Variants in SPACA7 observed in about 807,000 individuals in gnomAD.
The protein encoded by SPACA7 is sperm acrosome-associated protein 7.
In SPACA7, 19 loss-of-function variants were observed where a neutral mutation model predicts 26.3. The observed-to-expected ratio is 0.72, with a 90% CI of 0.50 to 1.06. The LOEUF (loss-of-function observed/expected upper bound fraction) is 1.06, where lower values mean the gene tolerates loss of function less well. Among genes scored for constraint, SPACA7 ranks in the 50% least tolerant of loss-of-function variants. The probability of loss-of-function intolerance (pLI) is 0.00; values close to 1 mark genes in which losing one functional copy is unlikely to be tolerated. For missense variants in SPACA7, 211 were observed against 229.9 expected (o/e 0.92, Z 0.53); for synonymous variants, 84 against 84.5 (o/e 0.99, Z 0.04).
At chr13:112,396,975 TGG>T (rs1885310160) in intron 2 of SPACA7, among the ~76,000 whole-genome samples, 1 of 152,158 alleles carries the variant, frequency 6.6e-6, no homozygotes, top group Non-Finnish European at 1.5e-5. Flanking sequence ...CTCGCAGAGC[TGG>T]TAGACTCCTC....
intron 1 of SPACA7, among the ~76,000 whole-genome samples, chr13:112,390,070 G>A (rs930316084): frequency 6.6e-6 from 1 of 152,062 alleles, no homozygotes; most frequent in African/African-American, 2.4e-5. Context: ...GGATTGTCTG[G>A]GTCCATAAAG....
chr13:112,407,450 A>G (rs1886059068), intron 5 of SPACA7, among the ~76,000 whole-genome samples: 1 of 152,206 alleles, frequency 6.6e-6, no homozygotes, highest in African/African-American at 2.4e-5. Flanking sequence ...GAAAAGATCA[A>G]CAGAATTGAT....
intron 1 of SPACA7, among the ~76,000 whole-genome samples, chr13:112,377,373 A>C (rs1383967284): frequency 1.3e-5 from 2 of 152,206 alleles, no homozygotes; most frequent in Admixed American, 1.3e-4. Flanking sequence ...GACATCCATG[A>C]GAGAGTTGCA....
At chr13:112,416,839 C>A (rs1033635849) in intron 5 of SPACA7, among the ~76,000 whole-genome samples, 3 of 106,880 alleles carry the variant, frequency 2.8e-5, no homozygotes, top group Non-Finnish European at 6.9e-5. Flanking sequence ...TGTGTATCCA[C>A]CTTCACCATC....
intron 4 of SPACA7, 31 bp downstream of exon 4, chr13:112,399,204 A>C: frequency 8.5e-7 from 1 of 1,173,734 alleles, no homozygotes; most frequent in Non-Finnish European, 1.3e-6. Flanking sequence ...ACCCCTTCCC[A>C]AGTCCAGCTG....
chr13:112,419,240 C>G (rs1373325302), intron 5 of SPACA7, among the ~76,000 whole-genome samples: 7 of 152,130 alleles, frequency 4.6e-5, no homozygotes, highest in Non-Finnish European at 1.0e-4. Flanking sequence ...CACCACCATA[C>G]AAGTGGGTAA....
In SPACA7 at chr13:112,392,754, C is replaced by T. The variant is rs374337522; in HGVS notation, c.95-267C>T. Among the ~76,000 whole-genome samples the T allele has an allele frequency of 3.9e-5, 6 of 152,134 alleles. No homozygotes were observed. The East Asian group carries it at 9.7e-4, about 25-fold the overall frequency. On this transcript the variant is annotated intron_variant, in intron 1 of 6. Transcript: ENST00000283550. The stretch of plus-strand genomic sequence containing the variant: ...ATTCTAGGGACCAGGAGGGCAGGCT[C>T]AGCTCAGAGCTCCTGGACAATTGTC...
chr13:112,395,531 C>T (rs141660456), intron 2 of SPACA7, among the ~76,000 whole-genome samples: 418 of 152,186 alleles, frequency 2.7e-3, no homozygotes, highest in South Asian at 6.6e-3. Context: ...AGTGCAGTGG[C>T]GAGATCTCAA....
At chr13:112,389,856 G>A (rs77233804) in intron 1 of SPACA7, among the ~76,000 whole-genome samples, 1 of 152,178 alleles carries the variant, frequency 6.6e-6, no homozygotes, top group Non-Finnish European at 1.5e-5. Flanking sequence ...CACTCAATAA[G>A]GGCTAAAGAT....
At chr13:112,411,058 A>C (rs1886316204) in intron 5 of SPACA7, among the ~76,000 whole-genome samples, 1 of 152,148 alleles carries the variant, frequency 6.6e-6, no homozygotes, top group Non-Finnish European at 1.5e-5. Flanking sequence ...CATTTACATT[A>C]TCAATGTGAC....
rs571527320 is a variant in SPACA7, at chr13:112,423,723, AG to A, written c.446-8719del. ...ATTCAGGAATCACAGTATGTTCTAAAGGAAGAGAAATAGAAATGAAATTAGA... is the reference window on the plus strand; with the variant it reads ...ATTCAGGAATCACAGTATGTTCTAAAGAAGAGAAATAGAAATGAAATTAGA... On this transcript the variant is annotated intron_variant, in intron 5 of 6. Transcript: ENST00000283550. 2.9e-3 allele frequency among the ~76,000 whole-genome samples: 443 copies of A among 152,348 alleles called. 5 individuals carry two copies. Among genetic ancestry groups the A allele is most frequent in the Middle Eastern group, 0.02 (6 of 294 alleles).
At chr13:112,380,603 A>G (rs1475751713) in intron 1 of SPACA7, among the ~76,000 whole-genome samples, 1 of 152,026 alleles carries the variant, frequency 6.6e-6, no homozygotes, top group African/African-American at 2.4e-5. Context: ...TTTTTCTCAG[A>G]GACTCGTTAC....
At chr13:112,432,559 G>T in intron 6 of SPACA7, 38 bp downstream of exon 6, 1 of 1,477,582 alleles carries the variant, frequency 6.8e-7, no homozygotes, top group South Asian at 1.1e-5. Context: ...TTCTCATTTG[G>T]GGATTCTTTT....
In SPACA7 at chr13:112,406,147, G is replaced by A. The variant is rs192563210; in HGVS notation, c.445+4983G>A. ...ATTTTTAACTGTACAGTTCCATGATGTTAAACATATTCATAATGCTGTCTA... is the reference window on the plus strand; with the variant it reads ...ATTTTTAACTGTACAGTTCCATGATATTAAACATATTCATAATGCTGTCTA... On this transcript the variant is annotated intron_variant, in intron 5 of 6. Transcript: ENST00000283550. 1.5e-3 allele frequency among the ~76,000 whole-genome samples: 226 copies of A among 152,180 alleles called. 3 individuals carry two copies. The highest frequency in any genetic ancestry group is 5.3e-3 in the African/African-American group (221 of 41,524).
chr13:112,406,524 TAACTC>T (rs1417184047), intron 5 of SPACA7, among the ~76,000 whole-genome samples: 1 of 152,166 alleles, frequency 6.6e-6, no homozygotes, highest in East Asian at 1.9e-4. Flanking sequence ...CAACAACAAA[TAACTC>T]TATCTAAAAA....
chr13:112,384,234 G>A (rs991289481), intron 1 of SPACA7, among the ~76,000 whole-genome samples: 1 of 152,052 alleles, frequency 6.6e-6, no homozygotes, highest in Non-Finnish European at 1.5e-5. Context: ...AATGTTTGTG[G>A]ATGACAAAAG....
At chr13:112,386,308 T>C (rs1290415369) in intron 1 of SPACA7, among the ~76,000 whole-genome samples, 3 of 152,182 alleles carry the variant, frequency 2.0e-5, no homozygotes, top group Non-Finnish European at 4.4e-5. Context: ...CCCCTTAAAG[T>C]AGATTTCCTA....
intron 6 of SPACA7, among the ~76,000 whole-genome samples, chr13:112,433,460 A>C (rs9550083): frequency 6.9e-6 from 1 of 144,452 alleles, no homozygotes; most frequent in African/African-American, 2.6e-5. Flanking sequence ...GCTAGAGAAC[A>C]GTTAGGTGGG....
At chr13:112,391,291 G>C (rs1189804642) in intron 1 of SPACA7, among the ~76,000 whole-genome samples, 1 of 152,170 alleles carries the variant, frequency 6.6e-6, no homozygotes. Context: ...AGGAACATTG[G>C]GTTTCCTTAC....
Sources: allele counts gnomAD v4.1 joint callset (sites outside exome capture counted in the v4.1 genomes callset), GRCh38; gene constraint gnomAD v4.1.1; transcripts MANE v1.5; gene names NCBI Gene and HGNC (gene_info 2026-07-23, HGNC 2026-07-21).